Variants in ARHGAP15 observed in about 807,000 individuals in gnomAD.
ARHGAP15 encodes the protein rho GTPase-activating protein 15.
ARHGAP15 carries 51 observed loss-of-function variants against 63.7 expected under a neutral mutation model. That is an observed-to-expected ratio of 0.80 (90% CI 0.64 to 1.01). ARHGAP15 has a LOEUF of 1.01. Among genes scored for constraint, ARHGAP15 ranks in the 50% least tolerant of loss-of-function variants. The probability of loss-of-function intolerance (pLI) is 0.00; values close to 1 mark genes in which losing one functional copy is unlikely to be tolerated. For missense variants in ARHGAP15, 560 were observed against 564.6 expected (o/e 0.99, Z 0.08); for synonymous variants, 191 against 193.8 (o/e 0.99, Z 0.12).
At chr2:143,292,401 A>G (rs1292351713) in intron 6 of ARHGAP15, among the ~76,000 whole-genome samples, 1 of 152,106 alleles carries the variant, frequency 6.6e-6, no homozygotes, top group East Asian at 1.9e-4. Flanking sequence ...TAAGGAAATA[A>G]TTGGTATGCC....
intron 10 of ARHGAP15, among the ~76,000 whole-genome samples, chr2:143,539,177 A>T (rs1266208319): frequency 6.6e-6 from 1 of 152,182 alleles, no homozygotes; most frequent in Non-Finnish European, 1.5e-5. Context: ...AGAGGTATTT[A>T]TAGCATTCTC....
intron 11 of ARHGAP15, among the ~76,000 whole-genome samples, chr2:143,578,376 G>A (rs1427720077): frequency 6.6e-6 from 1 of 152,090 alleles, no homozygotes; most frequent in East Asian, 1.9e-4. Flanking sequence ...AAAGATGAGA[G>A]ATTTAACTTT....
In ARHGAP15 at chr2:143,746,569, A is replaced by T. The variant is rs1686173216; in HGVS notation, c.1245-21420A>T. On this transcript the variant is annotated intron_variant, in intron 13 of 13. Transcript: ENST00000295095. ...AAGCTTAATCTGTCAGCCAAACATA[A>T]AACAAAAACTATTTGTAATAAGAAG... 1.3e-5 allele frequency among the ~76,000 whole-genome samples: 2 copies of T among 152,222 alleles called. 1 individual carries two copies. Among genetic ancestry groups the T allele is most frequent in the South Asian group, 4.1e-4 (2 of 4,830 alleles).
At chr2:143,428,375 A>G (rs563639913) in intron 6 of ARHGAP15, among the ~76,000 whole-genome samples, 1 of 151,830 alleles carries the variant, frequency 6.6e-6, no homozygotes, top group Non-Finnish European at 1.5e-5. Context: ...ATGCCAAATT[A>G]AAGAGTTTGC....
At chr2:143,463,755 G>T (rs1187831336) in intron 8 of ARHGAP15, among the ~76,000 whole-genome samples, 1 of 152,026 alleles carries the variant, frequency 6.6e-6, no homozygotes, top group Non-Finnish European at 1.5e-5. Flanking sequence ...TTAACTTAAA[G>T]TCTGATTATT....
rs905037057 is a variant in ARHGAP15, at chr2:143,285,490, ACTGT to A, written c.474+34894_474+34897del. Among the ~76,000 whole-genome samples, 26 of 152,304 alleles carry A rather than the reference ACTGT, an allele frequency of 1.7e-4. 1 individual carries two copies. The South Asian group carries it at 1.9e-3, about 11-fold the overall frequency. On this transcript the variant is annotated intron_variant, in intron 6 of 13. Coordinates refer to ENST00000295095, the MANE Select transcript of ARHGAP15 (RefSeq NM_018460.4). ...ATCTTTACCTCGGTCAGGTGGCCAA[ACTGT>A]CTGATTAGAAATATCTTAGCATAAA...
chr2:143,337,706 T>G (rs1249713253), intron 6 of ARHGAP15, among the ~76,000 whole-genome samples: 1 of 152,088 alleles, frequency 6.6e-6, no homozygotes, highest in Non-Finnish European at 1.5e-5. Flanking sequence ...CCAGGTCAAC[T>G]AAATTCAGCA....
chr2:143,534,654 A>G (rs1694671669), intron 10 of ARHGAP15, among the ~76,000 whole-genome samples: 2 of 152,100 alleles, frequency 1.3e-5, no homozygotes, highest in South Asian at 2.1e-4. Flanking sequence ...TGAGGTGGGC[A>G]GATCTCTTGA....
chr2:143,739,298 C>T (rs545612219), intron 13 of ARHGAP15, among the ~76,000 whole-genome samples: 1 of 152,172 alleles, frequency 6.6e-6, no homozygotes, highest in African/African-American at 2.4e-5. Flanking sequence ...GGGTTCAAAG[C>T]TAGATTCTGG....
intron 13 of ARHGAP15, among the ~76,000 whole-genome samples, chr2:143,735,982 A>G (rs978877706): frequency 6.6e-6 from 1 of 152,194 alleles, no homozygotes; most frequent in Non-Finnish European, 1.5e-5. Context: ...AGTACTATCC[A>G]TCCATCTGTG....
At chr2:143,424,542 T>C (rs988688209) in intron 6 of ARHGAP15, among the ~76,000 whole-genome samples, 1 of 152,010 alleles carries the variant, frequency 6.6e-6, no homozygotes, top group Non-Finnish European at 1.5e-5. Flanking sequence ...CTTCATGTCC[T>C]TTAGAGATGC....
intron 9 of ARHGAP15, among the ~76,000 whole-genome samples, chr2:143,493,714 A>G (rs1692691450): frequency 6.6e-6 from 1 of 152,104 alleles, no homozygotes; most frequent in Admixed American, 6.5e-5. Context: ...GTTGCTCTCC[A>G]GCTGATTGCC....
rs11413032 is a variant in ARHGAP15 at position 143,398,776 on chromosome 2, A to ATT, written c.475-36815_475-36814dup. ...TTTATAATAAATGAAAAAAATCCTC[A>ATT]TTTTTTTTTTTGAAATGGTTTCTGG... On this transcript the variant is annotated intron_variant, in intron 6 of 13. Transcript: ENST00000295095. Among the ~76,000 whole-genome samples the ATT allele has an allele frequency of 7.0e-3, 1,042 of 148,770 alleles. 15 individuals are homozygous for ATT. Among genetic ancestry groups the ATT allele is most frequent in the East Asian group, 0.021 (106 of 5,088 alleles).
chr2:143,310,094 C>A (rs943592811), intron 6 of ARHGAP15, among the ~76,000 whole-genome samples: 1 of 151,852 alleles, frequency 6.6e-6, no homozygotes, highest in African/African-American at 2.4e-5. Context: ...GAGCGTTTTC[C>A]AAAATCACAG....
chr2:143,365,016 T>TA (rs914250510), intron 6 of ARHGAP15, among the ~76,000 whole-genome samples: 4 of 151,366 alleles, frequency 2.6e-5, no homozygotes, highest in Non-Finnish European at 4.4e-5. Flanking sequence ...GGAAATAAAA[T>TA]AAATAAATAA....
At chr2:143,329,471 G>T (rs770778784) in intron 6 of ARHGAP15, among the ~76,000 whole-genome samples, 1 of 151,890 alleles carries the variant, frequency 6.6e-6, no homozygotes, top group African/African-American at 2.4e-5. Context: ...GGTGAATTCT[G>T]CCAAGAAGCA....
chr2:143,610,508 C>A (rs1337558914), intron 11 of ARHGAP15, among the ~76,000 whole-genome samples: 1 of 152,120 alleles, frequency 6.6e-6, no homozygotes, highest in African/African-American at 2.4e-5. Flanking sequence ...TGCAAACAAT[C>A]CACTTGTTTA....
chr2:143,333,784 A>G (rs1684652056), intron 6 of ARHGAP15, among the ~76,000 whole-genome samples: 1 of 152,126 alleles, frequency 6.6e-6, no homozygotes, highest in Admixed American at 6.5e-5. Context: ...GGAAATATAG[A>G]TATAGAAGAA....
intron 6 of ARHGAP15, among the ~76,000 whole-genome samples, chr2:143,324,707 CA>C (rs1409729672): frequency 1.3e-5 from 2 of 152,218 alleles, no homozygotes; most frequent in Non-Finnish European, 2.9e-5. Context: ...AGCATTTCAT[CA>C]AAGTAACACG....
Sources: allele counts gnomAD v4.1 joint callset (sites outside exome capture counted in the v4.1 genomes callset), GRCh38; gene constraint gnomAD v4.1.1; transcripts MANE v1.5; gene names NCBI Gene and HGNC (gene_info 2026-07-23, HGNC 2026-07-21).